Variants in PDCL3 observed in about 807,000 individuals in gnomAD.
PDCL3 encodes the protein phosducin-like protein 3.
PDCL3 carries 22 observed loss-of-function variants against 26.5 expected under a neutral mutation model. That is an observed-to-expected ratio of 0.83 (90% CI 0.59 to 1.19). The LOEUF (loss-of-function observed/expected upper bound fraction) is 1.19. Among genes scored for constraint, PDCL3 ranks in the 50% most tolerant of loss-of-function variants. The pLI, the probability that PDCL3 is intolerant of heterozygous loss-of-function variation, is 0.00. For synonymous variants in PDCL3, 81 were observed against 104.9 expected, an observed-to-expected ratio of 0.77 and a Z score of 1.39; for missense variants, 246 against 294.1, an observed-to-expected ratio of 0.84 and a Z score of 1.20.
chr2:100,567,151 G>A (rs1259488413), intron 2 of PDCL3, among the ~76,000 whole-genome samples: 1 of 152,136 alleles, frequency 6.6e-6, no homozygotes, highest in East Asian at 1.9e-4. Context: ...TGAGGCCCAG[G>A]AATCTGCATT....
intron 1 of PDCL3, among the ~76,000 whole-genome samples, chr2:100,565,972 C>T (rs780960113): frequency 3.9e-5 from 6 of 152,114 alleles, no homozygotes; most frequent in Non-Finnish European, 7.4e-5. Flanking sequence ...GGCACGATCT[C>T]GGCTCACTGC....
intron 1 of PDCL3, 32 bp from the exon 2 acceptor site, chr2:100,566,471 C>T (rs368338271): frequency 8.1e-6 from 13 of 1,609,824 alleles, no homozygotes; most frequent in Non-Finnish European, 1.1e-5. Flanking sequence ...CTAGACTTAG[C>T]ACTCATGGTA....
rs761845631 is a variant in PDCL3 at position 100,571,776 on chromosome 2, C to T, written c.555C>T (p.Gly185=). The T allele has an allele frequency of 1.4e-5, 23 of 1,613,934 alleles. No individual in the cohort carries two copies. The highest frequency in any genetic ancestry group is 1.7e-5 in the Non-Finnish European group (20 of 1,180,040). The change falls in exon 5 of 6, where the codon GGC becomes GGT. Residue 185 remains glycine, a synonymous_variant. Transcript: ENST00000264254. ...KAQFIGPLVF[G]GMNLTRDELE... is the part of the protein sequence containing the mutation. The stretch of plus-strand genomic sequence containing the variant: ...AGTTTATTGGTCCTCTGGTGTTTGG[C>T]GGCATGAACCTGACAAGAGATGGTA...
chr2:100,568,794 A>C (rs527908751), intron 2 of PDCL3, 137 bp from the exon 3 acceptor site: 1 of 669,858 alleles, frequency 1.5e-6, no homozygotes, highest in African/African-American at 1.8e-5. Context: ...GTGGTGCCTT[A>C]AGTAATTTTT....
intron 2 of PDCL3, among the ~76,000 whole-genome samples, chr2:100,568,468 TTAA>T (rs1280199395): frequency 6.6e-6 from 1 of 152,092 alleles, no homozygotes; most frequent in Admixed American, 6.5e-5. Flanking sequence ...CCTGTCTCTA[TTAA>T]TGATACAAAA....
intron 1 of PDCL3, 103 bp downstream of exon 1, chr2:100,563,176 C>T (rs1674983342): frequency 2.8e-6 from 4 of 1,436,884 alleles, no homozygotes; most frequent in Admixed American, 2.5e-5. Context: ...GCTCCGGCGC[C>T]GCAGGCACGA....
chr2:100,563,286 G>A (rs1178605579), intron 1 of PDCL3: 4 of 522,516 alleles, frequency 7.7e-6, no homozygotes, highest in Non-Finnish European at 1.3e-5. Context: ...TCGGTGTGCC[G>A]GGTCCCCCAA....
At chr2:100,563,480 G>T (rs1411884046) in intron 1 of PDCL3, 3 of 172,400 alleles carry the variant, frequency 1.7e-5, no homozygotes, top group Non-Finnish European at 2.4e-5. Context: ...CAGCGCCACA[G>T]CCGGTGTTCC....
intron 5 of PDCL3, among the ~76,000 whole-genome samples, chr2:100,573,007 C>T (rs1329451061): frequency 1.3e-5 from 2 of 151,900 alleles, no homozygotes; most frequent in Non-Finnish European, 1.5e-5. Flanking sequence ...GCCTCAGCGT[C>T]TCAGGTAGCT....
intron 5 of PDCL3, among the ~76,000 whole-genome samples, chr2:100,573,889 CT>C (rs1209428021): frequency 6.6e-6 from 1 of 151,940 alleles, no homozygotes; most frequent in Non-Finnish European, 1.5e-5. Flanking sequence ...AAAAAAAAGT[CT>C]TGAAGTCTAG....
In PDCL3 at chr2:100,563,051, A is replaced by G. The variant is rs1161112031; in HGVS notation, c.-17A>G. ...CGCTGCGGCACAGCTGGTTTGAGCA[A>G]CTGAACTGGAAACAAGATGCAGGTG... On this transcript the variant is annotated 5_prime_UTR_variant, in exon 1 of 6. Coordinates refer to ENST00000264254, the MANE Select transcript of PDCL3 (RefSeq NM_024065.5). 6.2e-7 allele frequency: 1 copy of G among 1,602,866 alleles called. No homozygotes were observed.
In PDCL3 at chr2:100,567,149, A is replaced by G. The variant is rs934473659; in HGVS notation, c.133+520A>G. 5.9e-5 allele frequency among the ~76,000 whole-genome samples: 9 copies of G among 152,300 alleles called. No individual in the cohort carries two copies. The South Asian group carries it at 1.7e-3, about 28-fold the overall frequency. On this transcript the variant is annotated intron_variant, in intron 2 of 5. Coordinates refer to ENST00000264254, the MANE Select transcript of PDCL3 (RefSeq NM_024065.5). ...TGAAGCAGTCTCTGGAATGAGGCCC[A>G]GGAATCTGCATTTTAAACAAGTGCC...
At chr2:100,572,578 C>T (rs7596475) in intron 5 of PDCL3, among the ~76,000 whole-genome samples, 73,860 of 149,970 alleles carry the variant, frequency 0.49, 19,336 homozygotes, top group East Asian at 0.97. Context: ...AGTGCAATCA[C>T]GTGATCTCGG....
chr2:100,572,801 G>A (rs902125067), intron 5 of PDCL3, among the ~76,000 whole-genome samples: 1 of 152,192 alleles, frequency 6.6e-6, no homozygotes, highest in African/African-American at 2.4e-5. Context: ...TTACAGGCGT[G>A]AGCCACTGCG....
Position 100,571,911 on chromosome 2 carries a change from C to CCTGTGTACGAGTGA in PDCL3, c.577+120_577+121insCGAGTGACTGTGTA. The CCTGTGTACGAGTGA allele has an allele frequency of 5.5e-6, 5 of 912,618 alleles. No homozygotes were observed. In the South Asian group the frequency reaches 7.6e-5, roughly 14 times the overall value. 56.5% of individuals were successfully genotyped at this position (912,618 alleles called of 1,614,324 possible). ...CGATGGTGGGTCAAGTTCACTTCTG[C>CCTGTGTACGAGTGA]CTGTGTATGAGGACGGAAGCACGTT... On this transcript the variant is annotated intron_variant, in intron 5 of 5. Coordinates refer to ENST00000264254, the MANE Select transcript of PDCL3 (RefSeq NM_024065.5).
At chr2:100,570,474 C>CTTTTTT (rs762190373) in intron 4 of PDCL3, among the ~76,000 whole-genome samples, 46 of 125,278 alleles carry the variant, frequency 3.7e-4, no homozygotes, top group East Asian at 9.5e-4. Flanking sequence ...TTAGGAATTT[C>CTTTTTT]TTTTTTTTTT....
In PDCL3 at chr2:100,569,004, T is replaced by C; in HGVS notation, c.207T>C (p.Arg69=). ...HEDEFNEEDE[R]AIEMYRRRRL... The stretch of plus-strand genomic sequence containing the variant: ...ACGAGTTTAATGAGGAGGATGAACG[T>C]GCTATTGAAATGTACAGGTAAGCGC... Residue 69 remains arginine (R), a synonymous_variant, in exon 3 of 6, where the codon CGT becomes CGC. Coordinates refer to ENST00000264254, the MANE Select transcript of PDCL3 (RefSeq NM_024065.5). 2 of 1,614,032 alleles carry C rather than the reference T, an allele frequency of 1.2e-6. No homozygotes were observed. Among genetic ancestry groups the C allele is most frequent in the Non-Finnish European group, 1.7e-6 (2 of 1,179,962 alleles).
Position 100,569,040 on chromosome 2 carries a change from G to T in PDCL3, c.224+19G>T. 1 of 1,584,652 alleles carries T rather than the reference G, an allele frequency of 6.3e-7. No homozygotes were observed. The highest frequency in any genetic ancestry group is 8.6e-7 in the Non-Finnish European group (1 of 1,169,002). On this transcript the variant is annotated intron_variant, in intron 3 of 5. Transcript: ENST00000264254. Reference sequence around the variant, plus strand: ...TGTACAGGTAAGCGCCACCCAGAGGGGCTGTTTGTTTTTTTGTTGTTGTTT... The same window carrying T: ...TGTACAGGTAAGCGCCACCCAGAGGTGCTGTTTGTTTTTTTGTTGTTGTTT...
Position 100,566,570 on chromosome 2 carries a change from G to T in PDCL3, c.74G>T (p.Ser25Ile). 1 of 1,613,960 alleles carries T rather than the reference G, an allele frequency of 6.2e-7. No individual in the cohort carries two copies. Reference protein sequence around the residue: ...RKKGILPPKESLKELEEEAEE... With the variant: ...RKKGILPPKEILKELEEEAEE... ...AAGGGTATCTTACCCCCCAAGGAAA[G>T]TCTGAAAGAATTGGAAGAGGAGGCA... The change falls in exon 2 of 6, where the codon AGT becomes ATT. Residue 25 changes from serine to isoleucine, a missense_variant. Ser to Ile is a moderately radical substitution (Grantham distance 142). Transcript: ENST00000264254.
Sources: allele counts gnomAD v4.1 joint callset (sites outside exome capture counted in the v4.1 genomes callset), GRCh38; gene constraint gnomAD v4.1.1; transcripts MANE v1.5; gene names NCBI Gene and HGNC (gene_info 2026-07-23, HGNC 2026-07-21).